Variants in NDST3 observed in about 807,000 individuals in gnomAD.
NDST3 encodes N-deacetylase and N-sulfotransferase 3.
Under a neutral mutation model 96.1 loss-of-function variants are expected in NDST3, and 58 were observed. The ratio of observed to expected loss-of-function variants is 0.60; its 90% CI spans 0.49 to 0.75. NDST3 has a LOEUF of 0.75. Ranked by LOEUF, NDST3 falls within the 30% of genes least tolerant of loss-of-function variation. The pLI, the probability that NDST3 is intolerant of heterozygous loss-of-function variation, is 0.00. For synonymous variants in NDST3, 333 were observed against 359.7 expected, an observed-to-expected ratio of 0.93 and a Z score of 0.84; for missense variants, 788 against 1,034.2, an observed-to-expected ratio of 0.76 and a Z score of 3.27.
chr4:118,236,442 G>C (rs1346185978), intron 9 of NDST3, among the ~76,000 whole-genome samples: 2 of 152,096 alleles, frequency 1.3e-5, no homozygotes, highest in Non-Finnish European at 2.9e-5. Context: ...AATGTACATA[G>C]TTTTTAAACT....
chr4:118,212,204 G>GT (rs945714879), intron 6 of NDST3, among the ~76,000 whole-genome samples: 5 of 152,124 alleles, frequency 3.3e-5, no homozygotes, highest in Admixed American at 6.6e-5. Flanking sequence ...TTTATTAATT[G>GT]TTTTTTATAA....
chr4:118,215,720 G>A (rs1739154113), intron 6 of NDST3, among the ~76,000 whole-genome samples: 1 of 152,068 alleles, frequency 6.6e-6, no homozygotes, highest in Non-Finnish European at 1.5e-5. Flanking sequence ...AAAGCACTGG[G>A]GGATATATTA....
chr4:118,206,236 T>C lies in NDST3; in HGVS notation c.1540-18255T>C, dbSNP rs117267435. Among the ~76,000 whole-genome samples the C allele has an allele frequency of 6.2e-4, 90 of 144,570 alleles. 3 individuals carry two copies. In the East Asian group the frequency reaches 0.016, roughly 25 times the overall value. 94.8% of individuals were successfully genotyped at this position (144,570 alleles called of 152,430 possible). ...GGGCAACTACATAACGAAGAAGATTTGAATTATATCTAAACCAAAATCCAG... is the reference window on the plus strand; with the variant it reads ...GGGCAACTACATAACGAAGAAGATTCGAATTATATCTAAACCAAAATCCAG... On this transcript the variant is annotated intron_variant, in intron 6 of 13. Transcript: ENST00000296499.
intron 2 of NDST3, among the ~76,000 whole-genome samples, chr4:118,094,136 G>A (rs1729105000): frequency 6.6e-6 from 1 of 151,726 alleles, no homozygotes; most frequent in African/African-American, 2.4e-5. Context: ...ATGTATTGTG[G>A]GGAACACATT....
chr4:118,133,376 CT>C (rs760757463), intron 4 of NDST3, among the ~76,000 whole-genome samples: 162 of 152,282 alleles, frequency 1.1e-3, no homozygotes, highest in Non-Finnish European at 2.0e-3. Context: ...TAAAGTCCCC[CT>C]GTCACTGTGC....
At chr4:118,172,823 T>C (rs142845604) in intron 6 of NDST3, among the ~76,000 whole-genome samples, 55 of 152,240 alleles carry the variant, frequency 3.6e-4, no homozygotes, top group African/African-American at 9.9e-4. Context: ...TAAGATAATA[T>C]ATTAAGAGGT....
chr4:118,216,646 A>G (rs1366758587), intron 6 of NDST3, among the ~76,000 whole-genome samples: 2 of 152,078 alleles, frequency 1.3e-5, no homozygotes, highest in African/African-American at 4.8e-5. Flanking sequence ...AGTTTATTTA[A>G]AAAGGAGTAA....
At chr4:118,052,634 T>G (rs1408278776) in intron 1 of NDST3, among the ~76,000 whole-genome samples, 1 of 152,018 alleles carries the variant, frequency 6.6e-6, no homozygotes, top group African/African-American at 2.4e-5. Flanking sequence ...AAATATGTGT[T>G]TGTTTCCCAT....
At position 118,208,182 on chromosome 4, in the gene NDST3, A is replaced by G. The variant is rs139373074; in HGVS notation, c.1540-16309A>G. Among the ~76,000 whole-genome samples the G allele has an allele frequency of 5.9e-3, 844 of 144,126 alleles. 109 individuals are homozygous for G. The highest frequency in any genetic ancestry group is 0.02 in the African/African-American group (799 of 39,038). The allele number at this position is 144,126 out of a possible 152,430, so 94.6% of individuals were successfully genotyped here. ...ATAATACACCAAATGTGAATCTACC[A>G]CTGCAAAATTTTTAATAGATACATG... On this transcript the variant is annotated intron_variant, in intron 6 of 13. Transcript: ENST00000296499.
intron 1 of NDST3, 70 bp from the exon 2 acceptor site, chr4:118,053,686 T>C (rs1725227001): frequency 2.2e-6 from 1 of 459,274 alleles, no homozygotes; most frequent in Non-Finnish European, 3.8e-6. Context: ...CTTATGCTAG[T>C]CAACAAGATA....
chr4:118,173,381 G>A (rs1181435658), intron 6 of NDST3, among the ~76,000 whole-genome samples: 1 of 152,000 alleles, frequency 6.6e-6, no homozygotes, highest in Non-Finnish European at 1.5e-5. Flanking sequence ...GCCTTAGATA[G>A]CCTCATTTTT....
intron 6 of NDST3, among the ~76,000 whole-genome samples, chr4:118,215,902 A>T (rs1739164424): frequency 6.6e-6 from 1 of 152,110 alleles, no homozygotes. Context: ...ACTGAACAGA[A>T]GGCCTCCAGA....
At chr4:118,140,767 G>A (rs1273510596) in intron 5 of NDST3, among the ~76,000 whole-genome samples, 1 of 152,090 alleles carries the variant, frequency 6.6e-6, no homozygotes, top group Non-Finnish European at 1.5e-5. Context: ...AAATCATCAG[G>A]TCTTGTGAGA....
chr4:118,081,756 C>CT (rs1728042765), intron 2 of NDST3, among the ~76,000 whole-genome samples: 3 of 152,172 alleles, frequency 2.0e-5, no homozygotes, highest in Admixed American at 2.0e-4. Flanking sequence ...AATTTATTAG[C>CT]TGTGAATTAT....
chr4:118,175,774 T>C (rs1371583872), intron 6 of NDST3, among the ~76,000 whole-genome samples: 1 of 152,150 alleles, frequency 6.6e-6, no homozygotes, highest in South Asian at 2.1e-4. Context: ...CCTGGACCTG[T>C]GCTGGAAAAG....
In NDST3 at chr4:118,240,644, T is replaced by C; in HGVS notation, c.2239T>C (p.Trp747Arg). Residue 747 changes from tryptophan (W) to arginine (R), a missense_variant, in exon 11 of 14, where the codon TGG becomes CGG. Physicochemically the swap from Trp to Arg is moderately radical, Grantham distance 101. Around this residue, in one of 3 missense-constraint regions of NDST3, gnomAD observed 490 missense variants for 708.8 expected, o/e 0.69. Coordinates refer to ENST00000296499, the MANE Select transcript of NDST3 (RefSeq NM_004784.3). ...GCAGAAGAGATGTTTGGTCCCGGGGTGGTATGCCAGCCACATCGAGAGATG... is the reference window on the plus strand; with the variant it reads ...GCAGAAGAGATGTTTGGTCCCGGGGCGGTATGCCAGCCACATCGAGAGATG... ...ALQKRCLVPG[W>R]YASHIERWLV... The C allele has an allele frequency of 1.9e-6, 3 of 1,613,670 alleles. No individual in the cohort carries two copies. Among genetic ancestry groups the C allele is most frequent in the Non-Finnish European group, 2.5e-6 (3 of 1,179,816 alleles).
At chr4:118,234,349 G>T (rs1389509243) in intron 9 of NDST3, among the ~76,000 whole-genome samples, 1 of 152,102 alleles carries the variant, frequency 6.6e-6, no homozygotes, top group Non-Finnish European at 1.5e-5. Flanking sequence ...TGGAGGTTGA[G>T]GCTGCAATGA....
At chr4:118,195,412 G>A (rs750686371) in intron 6 of NDST3, among the ~76,000 whole-genome samples, 6 of 152,152 alleles carry the variant, frequency 3.9e-5, no homozygotes, top group Non-Finnish European at 8.8e-5. Flanking sequence ...GAGTTCCCCT[G>A]TACAAGCTCT....
chr4:118,244,670 T>C (rs557067301), intron 12 of NDST3, among the ~76,000 whole-genome samples: 2 of 152,258 alleles, frequency 1.3e-5, no homozygotes, highest in Admixed American at 6.5e-5. Flanking sequence ...ATTTAAGATA[T>C]CTCTAAACTT....
Sources: allele counts gnomAD v4.1 joint callset (sites outside exome capture counted in the v4.1 genomes callset), GRCh38; gene constraint gnomAD v4.1.1; regional missense constraint gnomAD v4.1.1; transcripts MANE v1.5; gene names NCBI Gene and HGNC (gene_info 2026-07-23, HGNC 2026-07-21).